The following NVL variants were observed in gnomAD, a reference collection of about 807,000 sequenced individuals.
NVL encodes the protein nuclear valosin-containing protein-like.
A neutral mutation model predicts 110.2 loss-of-function variants in NVL; 84 were observed. The observed-to-expected ratio is 0.76, with a 90% CI of 0.64 to 0.91. The LOEUF (loss-of-function observed/expected upper bound fraction) is 0.91, where lower values mean the gene tolerates loss of function less well. Among genes scored for constraint, NVL ranks in the 40% least tolerant of loss-of-function variants. The probability of loss-of-function intolerance (pLI) is 0.00; values close to 1 mark genes in which losing one functional copy is unlikely to be tolerated. For synonymous variants in NVL, 354 were observed against 361.1 expected (o/e 0.98, Z 0.22); for missense variants, 882 against 1,035.9 (o/e 0.85, Z 2.04).
At chr1:224,272,961 G>A (rs1370723167) in intron 17 of NVL, among the ~76,000 whole-genome samples, 1 of 147,062 alleles carries the variant, frequency 6.8e-6, no homozygotes. Context: ...GTGAACCCGG[G>A]AGGCGGAGCT....
chr1:224,251,271 C>CAAAAAAAAAA (rs35538758), intron 18 of NVL, among the ~76,000 whole-genome samples: 1 of 62,192 alleles, frequency 1.6e-5, no homozygotes, highest in Non-Finnish European at 2.7e-5. Context: ...GATACTGTCT[C>CAAAAAAAAAA]AAAAAAAAAA....
chr1:224,330,109 C>G lies in NVL; in HGVS notation c.19G>C (p.Gly7Arg). The G allele has an allele frequency of 1.9e-6, 3 of 1,614,122 alleles. No individual in the cohort carries two copies. The highest frequency in any genetic ancestry group is 2.5e-6 in the Non-Finnish European group (3 of 1,179,992). ...TGCTTGAGTTTATTATCCACGAACCCTGCAGGTCTGGGCTTCATCGCGTCG... is the reference window on the plus strand; with the variant it reads ...TGCTTGAGTTTATTATCCACGAACCGTGCAGGTCTGGGCTTCATCGCGTCG... Reference protein sequence around the residue: MKPRPAGFVDNKLKQRV... With the variant: MKPRPARFVDNKLKQRV... Residue 7 changes from glycine (G) to arginine (R), a missense_variant, in exon 1 of 23, where the codon GGG becomes CGG. By Grantham distance (125) the Gly-to-Arg change is moderately radical. Coordinates refer to ENST00000281701, the MANE Select transcript of NVL (RefSeq NM_002533.4).
At chr1:224,298,036 CAAA>C (rs1275028638) in intron 10 of NVL, among the ~76,000 whole-genome samples, 2 of 67,218 alleles carry the variant, frequency 3.0e-5, no homozygotes, top group African/African-American at 5.3e-5. Flanking sequence ...TACTCCATCT[CAAA>C]AAAAAAAAAA....
At chr1:224,272,168 T>C (rs1384996533) in intron 17 of NVL, among the ~76,000 whole-genome samples, 1 of 146,212 alleles carries the variant, frequency 6.8e-6, no homozygotes, top group Non-Finnish European at 1.5e-5. Flanking sequence ...AAACCCTGTC[T>C]CTACTAAAAA....
chr1:224,279,132 A>T (rs908428340), intron 16 of NVL, among the ~76,000 whole-genome samples: 3 of 152,228 alleles, frequency 2.0e-5, no homozygotes, highest in Admixed American at 6.5e-5. Context: ...AAAGATATAC[A>T]TATATAATAT....
chr1:224,268,645 C>A (rs1242983745), intron 17 of NVL, among the ~76,000 whole-genome samples: 1 of 134,562 alleles, frequency 7.4e-6, no homozygotes, highest in Non-Finnish European at 1.7e-5. Context: ...CAAGACTAAG[C>A]TTTTTTGTTT....
At position 224,308,152 on chromosome 1, in the gene NVL, G is replaced by A. The variant is rs748891622; in HGVS notation, c.454C>T (p.Arg152Trp). Residue 152 changes from arginine (R) to tryptophan (W), a missense_variant, in exon 6 of 23, where the codon CGG becomes TGG. Physicochemically the swap from Arg to Trp is moderately radical, Grantham distance 101. Transcript: ENST00000281701. ...ATGGAGCCTGTTTTGGAACTTATCC[G>A]TGGTGTTGAAGAGGTGGTTTCTCTT... ...EQRETTSSTP[R>W]ISSKTGSIPL... is the part of the protein sequence containing the mutation. The A allele has an allele frequency of 1.2e-6, 2 of 1,614,040 alleles. No homozygotes were observed. Among genetic ancestry groups the A allele is most frequent in the Non-Finnish European group, 1.7e-6 (2 of 1,179,968 alleles).
intron 16 of NVL, 90 bp from the exon 17 acceptor site, chr1:224,275,548 C>T (rs1424136240): frequency 1.3e-6 from 2 of 1,517,168 alleles, no homozygotes; most frequent in African/African-American, 2.7e-5. Context: ...GTGACATAAA[C>T]TAGTTTTATG....
chr1:224,230,140 A>AT (rs369816251), intron 22 of NVL, among the ~76,000 whole-genome samples: 90 of 151,726 alleles, frequency 5.9e-4, no homozygotes, highest in African/African-American at 1.9e-3. Context: ...CTCCAGAGTG[A>AT]TTTTTTTTTA....
At chr1:224,241,082 C>A (rs1337432203) in intron 19 of NVL, among the ~76,000 whole-genome samples, 2 of 152,158 alleles carry the variant, frequency 1.3e-5, no homozygotes, top group African/African-American at 4.8e-5. Context: ...AGCTACCACG[C>A]TCAGCCAAAC....
intron 12 of NVL, 49 bp from the exon 13 acceptor site, chr1:224,289,782 A>G: frequency 1.9e-6 from 3 of 1,549,986 alleles, no homozygotes; most frequent in Non-Finnish European, 2.6e-6. Flanking sequence ...TCTAATAGTA[A>G]AAACAAGTCA....
intron 18 of NVL, 73 bp from the exon 19 acceptor site, chr1:224,250,391 G>GAACAAGACCCTC: frequency 7.5e-7 from 1 of 1,340,760 alleles, no homozygotes; most frequent in Non-Finnish European, 9.8e-7. Flanking sequence ...TTGAGAGAGG[G>GAACAAGACCCTC]TCTTGTTCCA....
At chr1:224,244,955 G>A (rs1661648183) in intron 19 of NVL, among the ~76,000 whole-genome samples, 1 of 152,132 alleles carries the variant, frequency 6.6e-6, no homozygotes, top group South Asian at 2.1e-4. Flanking sequence ...CAAAGTGCTG[G>A]GATTACAGGT....
At chr1:224,239,967 G>A (rs573295188) in intron 19 of NVL, among the ~76,000 whole-genome samples, 2 of 151,840 alleles carry the variant, frequency 1.3e-5, no homozygotes, top group South Asian at 2.1e-4. Flanking sequence ...ACGCAATCTC[G>A]GCTCACTGCA....
At chr1:224,264,244 ATT>A (rs761611227) in intron 18 of NVL, among the ~76,000 whole-genome samples, 7 of 139,718 alleles carry the variant, frequency 5.0e-5, no homozygotes, top group East Asian at 2.1e-4. Context: ...AAAAATGGTG[ATT>A]TTTTTTTTTT....
In NVL at chr1:224,231,259, A is replaced by C; in HGVS notation, c.2493T>G (p.Ala831=). The C allele has an allele frequency of 2.5e-6, 4 of 1,612,886 alleles. No individual in the cohort carries two copies. Among genetic ancestry groups the C allele is most frequent in the Non-Finnish European group, 3.4e-6 (4 of 1,179,664 alleles). ...LKVSHKHFEE[A]FKKVRSSISK... Reference sequence around the variant, plus strand: ...ATATAGATGATCTTACTTTCTTGAAAGCTTCTTCAAAATGCTTATGACTAA... The same window carrying C: ...ATATAGATGATCTTACTTTCTTGAACGCTTCTTCAAAATGCTTATGACTAA... Residue 831 remains alanine, a synonymous_variant, in exon 22 of 23, where the codon GCT becomes GCG. Transcript: ENST00000281701.
chr1:224,239,567 G>C (rs1660922511), intron 19 of NVL, among the ~76,000 whole-genome samples: 1 of 152,116 alleles, frequency 6.6e-6, no homozygotes, highest in Non-Finnish European at 1.5e-5. Context: ...CTTCCCTAAG[G>C]ACACTCCGCG....
At chr1:224,281,372 C>T (rs1267499357) in intron 15 of NVL, among the ~76,000 whole-genome samples, 187 bp from the exon 16 acceptor site, 2 of 151,638 alleles carry the variant, frequency 1.3e-5, no homozygotes, top group Non-Finnish European at 2.9e-5. Context: ...GCGATCTCGG[C>T]TCACTGCAAA....
At chr1:224,277,654 A>T (rs1489525185) in intron 16 of NVL, among the ~76,000 whole-genome samples, 5 of 152,254 alleles carry the variant, frequency 3.3e-5, no homozygotes, top group African/African-American at 1.2e-4. Flanking sequence ...AAACATATGC[A>T]ACATTTCAAG....
Sources: allele counts gnomAD v4.1 joint callset (sites outside exome capture counted in the v4.1 genomes callset), GRCh38; gene constraint gnomAD v4.1.1; transcripts MANE v1.5; gene names NCBI Gene and HGNC (gene_info 2026-07-23, HGNC 2026-07-21).